Variants in RIMBP2 observed in about 807,000 individuals in gnomAD.
RIMBP2 encodes RIMS binding protein 2, also known as RIMS-binding protein 2.
A neutral mutation model predicts 118.6 loss-of-function variants in RIMBP2; 48 were observed. The ratio of observed to expected loss-of-function variants is 0.40; its 90% CI spans 0.32 to 0.51. The LOEUF is 0.51. Ranked by LOEUF, RIMBP2 falls within the 20% of genes least tolerant of loss-of-function variation. RIMBP2 has a pLI of 0.41. For missense variants in RIMBP2, 1,551 were observed against 1,768.3 expected, an observed-to-expected ratio of 0.88 and a Z score of 2.20; for synonymous variants, 762 against 742.9, an observed-to-expected ratio of 1.03 and a Z score of -0.42.
Position 130,437,268 on chromosome 12 carries a change from C to G in RIMBP2, c.1680G>C (p.Thr560=), listed in dbSNP as rs760153038. 2.1e-5 allele frequency: 33 copies of G among 1,580,650 alleles called. No individual in the cohort carries two copies. Among genetic ancestry groups the G allele is most frequent in the Non-Finnish European group, 2.7e-5 (32 of 1,170,890 alleles). The change falls in exon 13 of 23, where the codon ACG becomes ACC. Residue 560 remains threonine, a synonymous_variant. Transcript: ENST00000690449. ...GQRVAEVIFP[T]ADSTAVELVR... ...CAAGCTCCACGGCCGTGCTGTCTGC[C>G]GTGGGGAAGATGACTTCAGCCACCT...
At chr12:130,401,609 G>T (rs185093658) in intron 21 of RIMBP2, among the ~76,000 whole-genome samples, 32 of 151,672 alleles carry the variant, frequency 2.1e-4, no homozygotes, top group Non-Finnish European at 4.0e-4. Context: ...TTCTCTCACC[G>T]GCTCCATTAT....
intron 4 of RIMBP2, among the ~76,000 whole-genome samples, chr12:130,484,101 T>C (rs1047528234): frequency 5.3e-5 from 8 of 152,124 alleles, no homozygotes; most frequent in Non-Finnish European, 7.4e-5. Flanking sequence ...CCGGCGACTG[T>C]CACTTAGGTG....
At chr12:130,715,852 G>A (rs1343835094) in intron 1 of RIMBP2, among the ~76,000 whole-genome samples, 1 of 151,912 alleles carries the variant, frequency 6.6e-6, no homozygotes, top group East Asian at 1.9e-4. Context: ...GCGGGGCCGT[G>A]TCCATCGGGT....
intron 1 of RIMBP2, among the ~76,000 whole-genome samples, chr12:130,696,465 C>A (rs1401377054): frequency 6.6e-6 from 1 of 152,188 alleles, no homozygotes; most frequent in Non-Finnish European, 1.5e-5. Context: ...TAGATCACCA[C>A]CACAAAATGA....
At chr12:130,654,673 G>A (rs2063352272) in intron 1 of RIMBP2, among the ~76,000 whole-genome samples, 1 of 152,186 alleles carries the variant, frequency 6.6e-6, no homozygotes, top group Non-Finnish European at 1.5e-5. Context: ...TTCCATGTTA[G>A]GCCATTTTTG....
chr12:130,496,818 G>A (rs894495016), intron 4 of RIMBP2, among the ~76,000 whole-genome samples: 1 of 152,162 alleles, frequency 6.6e-6, no homozygotes, highest in African/African-American at 2.4e-5. Flanking sequence ...TCCCTGAGGA[G>A]TGGGACCCTC....
chr12:130,481,528 A>G (rs1017521922), intron 4 of RIMBP2, among the ~76,000 whole-genome samples: 16 of 152,204 alleles, frequency 1.1e-4, no homozygotes, highest in African/African-American at 3.6e-4. Flanking sequence ...CAGTGAACTC[A>G]GAAGCTGGAA....
At chr12:130,575,421 C>T (rs997094083) in intron 2 of RIMBP2, among the ~76,000 whole-genome samples, 1 of 151,884 alleles carries the variant, frequency 6.6e-6, no homozygotes, top group African/African-American at 2.4e-5. Flanking sequence ...GAATTCTTCC[C>T]CTCCAACCCT....
chr12:130,715,727 A>G (rs1174049730), intron 1 of RIMBP2, among the ~76,000 whole-genome samples: 1 of 150,908 alleles, frequency 6.6e-6, no homozygotes, highest in Non-Finnish European at 1.5e-5. Context: ...CGAGCTGGGG[A>G]CTCTGATGTG....
intron 2 of RIMBP2, among the ~76,000 whole-genome samples, chr12:130,615,319 A>G (rs1344167156): frequency 1.4e-5 from 2 of 141,634 alleles, no homozygotes; most frequent in Non-Finnish European, 3.1e-5. Context: ...ACATATATAG[A>G]TATTTTTTTG....
chr12:130,655,028 C>T (rs1368991124), intron 1 of RIMBP2, among the ~76,000 whole-genome samples: 1 of 152,224 alleles, frequency 6.6e-6, no homozygotes, highest in South Asian at 2.1e-4. Context: ...GTCCTACCTC[C>T]AGCACTGGGA....
intron 17 of RIMBP2, among the ~76,000 whole-genome samples, chr12:130,418,956 C>T (rs909934721): frequency 6.6e-6 from 1 of 152,154 alleles, no homozygotes; most frequent in Non-Finnish European, 1.5e-5. Context: ...CACAATGTCA[C>T]GTTGTTTTGG....
intron 4 of RIMBP2, among the ~76,000 whole-genome samples, chr12:130,492,045 G>A (rs1281250195): frequency 6.6e-6 from 1 of 152,174 alleles, no homozygotes; most frequent in Non-Finnish European, 1.5e-5. Flanking sequence ...CTTGGATGCT[G>A]CCTTGCCTGA....
chr12:130,479,974 G>A (rs144487921), intron 4 of RIMBP2, among the ~76,000 whole-genome samples: 1 of 151,906 alleles, frequency 6.6e-6, no homozygotes, highest in East Asian at 2.0e-4. Flanking sequence ...TGAGGACCAG[G>A]CCCCCAGACC....
At chr12:130,483,540 C>T (rs901765268) in intron 4 of RIMBP2, among the ~76,000 whole-genome samples, 5 of 152,138 alleles carry the variant, frequency 3.3e-5, no homozygotes, top group Admixed American at 1.3e-4. Context: ...GCCAAGGAAG[C>T]CCCCCACCAA....
At chr12:130,479,202 G>A (rs954398999) in intron 4 of RIMBP2, among the ~76,000 whole-genome samples, 186 bp from the exon 5 acceptor site, 1 of 152,224 alleles carries the variant, frequency 6.6e-6, no homozygotes, top group Admixed American at 6.5e-5. Context: ...CCCAATGCGG[G>A]AGCTATGACA....
At chr12:130,445,395 A>C in intron 9 of RIMBP2, 126 bp from the exon 10 acceptor site, 1 of 603,882 alleles carries the variant, frequency 1.7e-6, no homozygotes. Flanking sequence ...AACCCACATA[A>C]TCGTTCGGGG....
At position 130,438,385 on chromosome 12, in the gene RIMBP2, C is replaced by T. The variant is rs745374088; in HGVS notation, c.1636G>A (p.Val546Met). ...CTCACCCTCTGCCCTTTGGCATACA[C>T]GCCGTAGCCGGTAACGTTTGCGCCA... ...SNGANVTGYGVYAKGQRVAEV... is the reference protein window; with the variant it reads ...SNGANVTGYGMYAKGQRVAEV... Residue 546 changes from valine (V) to methionine (M), a missense_variant, in exon 12 of 23, where the codon GTG (valine) becomes ATG (methionine). By Grantham distance (21) the Val-to-Met change is conservative (BLOSUM62 1). Coordinates refer to ENST00000690449, the MANE Select transcript of RIMBP2 (RefSeq NM_001393629.1). 2.3e-5 allele frequency: 34 copies of T among 1,455,258 alleles called. No homozygotes were observed. The highest frequency in any genetic ancestry group is 3.2e-5 in the East Asian group (1 of 30,806). The allele number at this position is 1,455,258 out of a possible 1,614,324, so 90.1% of individuals were successfully genotyped here. A position where few individuals can be genotyped will look rare whatever the true frequency, so the allele number is the denominator to read the frequency against.
chr12:130,658,294 T>C (rs2063511812), intron 1 of RIMBP2: 1 of 152,236 alleles, frequency 6.6e-6, no homozygotes. Flanking sequence ...CTGTGCTGGC[T>C]ACTGTCTAGC....
Sources: allele counts gnomAD v4.1 joint callset (sites outside exome capture counted in the v4.1 genomes callset), GRCh38; gene constraint gnomAD v4.1.1; transcripts MANE v1.5; gene names NCBI Gene and HGNC (gene_info 2026-07-23, HGNC 2026-07-21).